The following PPP1R18 variants were observed in gnomAD, a reference collection of about 807,000 sequenced individuals.
PPP1R18 encodes the protein protein phosphatase 1 regulatory subunit 18.
Under a neutral mutation model 54.8 loss-of-function variants are expected in PPP1R18, and 31 were observed. The observed-to-expected ratio is 0.57, with a 90% CI of 0.43 to 0.76. The LOEUF (loss-of-function observed/expected upper bound fraction) is 0.76, where lower values mean the gene tolerates loss of function less well. Ranked by LOEUF, PPP1R18 falls within the 30% of genes least tolerant of loss-of-function variation. The pLI is 0.00. For synonymous variants in PPP1R18, 310 were observed against 320.2 expected, an observed-to-expected ratio of 0.97 and a Z score of 0.34; for missense variants, 685 against 776.1, an observed-to-expected ratio of 0.88 and a Z score of 1.39.
At chr6:30,680,161 G>A (rs1770460541) in intron 1 of PPP1R18, among the ~76,000 whole-genome samples, 2 of 152,136 alleles carry the variant, frequency 1.3e-5, no homozygotes, top group South Asian at 4.1e-4. Flanking sequence ...GGTCCACAGT[G>A]TGCCCAAAGG....
In PPP1R18 at chr6:30,684,802, T is replaced by C; in HGVS notation, c.1217A>G (p.Glu406Gly). Residue 406 changes from glutamate (E) to glycine (G), a missense_variant, in exon 1 of 3, where the codon GAG becomes GGG. Physicochemically the swap from Glu to Gly is moderately conservative, Grantham distance 98. Coordinates refer to ENST00000274853, the MANE Select transcript of PPP1R18 (RefSeq NM_133471.4). This position sits in a 1 kb window ranked among gnomAD's most constrained non-coding sequence, Gnocchi z 6.0. Reference protein sequence around the residue: ...CCSVPSPLPPEDAGTGGLRQQ... With the variant: ...CCSVPSPLPPGDAGTGGLRQQ... Reference sequence around the variant, plus strand: ...TCTCAGGCCTCCAGTCCCAGCGTCCTCTGGTGGGAGGGGGGAGGGCACAGA... The same window carrying C: ...TCTCAGGCCTCCAGTCCCAGCGTCCCCTGGTGGGAGGGGGGAGGGCACAGA... 2 of 1,609,868 alleles carry C rather than the reference T, an allele frequency of 1.2e-6. No homozygotes were observed. Among genetic ancestry groups the C allele is most frequent in the Non-Finnish European group, 1.7e-6 (2 of 1,178,356 alleles).
At chr6:30,682,716 A>G (rs539200329) in intron 1 of PPP1R18, among the ~76,000 whole-genome samples, 2 of 145,816 alleles carry the variant, frequency 1.4e-5, no homozygotes, top group African/African-American at 5.1e-5. Context: ...CAGCCCCACC[A>G]GCCTTCCGGC....
chr6:30,686,238 A>C lies in PPP1R18; in HGVS notation c.-220T>G. On this transcript the variant is annotated 5_prime_UTR_variant, in exon 1 of 3. Transcript: ENST00000274853. ...ATGGAAAAAGTGAAGAGAAGTTGTG[A>C]GCCCAAGTTGGGGGTGGTGGGGGTG... 1 of 489,866 alleles carries C rather than the reference A, an allele frequency of 2.0e-6. No homozygotes were observed. 30.3% of individuals were successfully genotyped at this position (489,866 alleles called of 1,614,324 possible).
In PPP1R18 at chr6:30,683,719, G is replaced by A. The variant is rs897252983; in HGVS notation, c.1611+689C>T. On this transcript the variant is annotated intron_variant, in intron 1 of 2. Transcript: ENST00000274853. This position sits in a 1 kb window ranked among gnomAD's most constrained non-coding sequence, Gnocchi z 5.1. ...CACTGTCTGAAGCAGTGGCCCAGCT[G>A]GGGGTGTGCAACCCCGAGGTCACCC... Among the ~76,000 whole-genome samples, 2 of 152,112 alleles carry A rather than the reference G, an allele frequency of 1.3e-5. No homozygotes were observed. Among genetic ancestry groups the A allele is most frequent in the Non-Finnish European group, 2.9e-5 (2 of 68,002 alleles).
intron 1 of PPP1R18, among the ~76,000 whole-genome samples, chr6:30,680,015 A>C (rs1036049804): frequency 5.9e-5 from 9 of 152,014 alleles, no homozygotes; most frequent in African/African-American, 1.7e-4. Context: ...CTAGGAAGAG[A>C]TGGGAGATGA....
Position 30,684,898 on chromosome 6 carries a change from C to G in PPP1R18, c.1121G>C (p.Gly374Ala), listed in dbSNP as rs760665866. The G allele has an allele frequency of 6.2e-7, 1 of 1,612,986 alleles. No homozygotes were observed. Among genetic ancestry groups the G allele is most frequent in the East Asian group, 2.2e-5 (1 of 44,888 alleles). Residue 374 changes from glycine (G) to alanine (A), a missense_variant, in exon 1 of 3, where the codon GGA becomes GCA. Coordinates refer to ENST00000274853, the MANE Select transcript of PPP1R18 (RefSeq NM_133471.4). This position sits in a 1 kb window ranked among gnomAD's most constrained non-coding sequence, Gnocchi z 6.0. ...KLLESPGVEA[G>A]EGEAEKEEAG... ...CTCCTCCTTCTCAGCCTCCCCTTCT[C>G]CAGCCTCCACACCGGGAGATTCCAG...
rs188688453 is a variant in PPP1R18, at chr6:30,685,169, C to T, written c.850G>A (p.Val284Ile). The change falls in exon 1 of 3, where the codon GTT (valine) becomes ATT (isoleucine). Residue 284 changes from valine to isoleucine, a missense_variant. Physicochemically the swap from Val to Ile is conservative, Grantham distance 29. Transcript: ENST00000274853. The surrounding 1 kb of genome is among the most constrained non-coding windows in gnomAD (Gnocchi z 5.0). Reference sequence around the variant, plus strand: ...GTCTCTTTTGGAGCTACCCCTGGAACTGGCCACTCTTCTTTTCTCCCACAT... The same window carrying T: ...GTCTCTTTTGGAGCTACCCCTGGAATTGGCCACTCTTCTTTTCTCCCACAT... ...EECGRKEEWP[V>I]PGVAPKETAE... is the part of the protein sequence containing the mutation. The T allele has an allele frequency of 1.9e-6, 3 of 1,613,016 alleles. No homozygotes were observed. The highest frequency in any genetic ancestry group is 2.2e-5 in the East Asian group (1 of 44,898).
At chr6:30,677,360 C>A in intron 2 of PPP1R18, 72 bp from the exon 3 acceptor site, 1 of 1,377,002 alleles carries the variant, frequency 7.3e-7, no homozygotes, top group Non-Finnish European at 9.9e-7. Context: ...TTCCCCCCCA[C>A]ACAAATTGAA....
chr6:30,677,330 C>A, intron 2 of PPP1R18, 42 bp from the exon 3 acceptor site: 1 of 1,543,808 alleles, frequency 6.5e-7, no homozygotes. Flanking sequence ...TGAGTGAGAG[C>A]CTCTGCCTTC....
rs753020797 is a variant in PPP1R18, at chr6:30,684,830, A to G, written c.1189T>C (p.Cys397Arg). Residue 397 changes from cysteine (C) to arginine (R), a missense_variant, in exon 1 of 3, where the codon TGC (cysteine) becomes CGC (arginine). Physicochemically the swap from Cys to Arg is radical, Grantham distance 180. Transcript: ENST00000274853. This position sits in a 1 kb window ranked among gnomAD's most constrained non-coding sequence, Gnocchi z 6.0. Reference sequence around the variant, plus strand: ...GGTGGGAGGGGGGAGGGCACAGAGCAGCAGTTCTGCAGGGCTCTCAGAGGC... The same window carrying G: ...GGTGGGAGGGGGGAGGGCACAGAGCGGCAGTTCTGCAGGGCTCTCAGAGGC... ...GRPLRALQNCCSVPSPLPPED... is the reference protein window; with the variant it reads ...GRPLRALQNCRSVPSPLPPED... 1 of 1,612,636 alleles carries G rather than the reference A, an allele frequency of 6.2e-7. No individual in the cohort carries two copies. Among genetic ancestry groups the G allele is most frequent in the African/African-American group, 1.3e-5 (1 of 74,880 alleles).
Position 30,685,322 on chromosome 6 carries a change from A to C in PPP1R18, c.697T>G (p.Leu233Val), listed in dbSNP as rs765354433. 2 of 1,612,898 alleles carry C rather than the reference A, an allele frequency of 1.2e-6. No homozygotes were observed. The highest frequency in any genetic ancestry group is 8.5e-7 in the Non-Finnish European group (1 of 1,180,018). The stretch of plus-strand genomic sequence containing the variant: ...CATTTATGGGCCTCTGTCAGGCCCA[A>C]CTTCTGGTAGGCAGATTCCCCTGGG... Reference protein sequence around the residue: ...LSPGESAYQKLGLTEAHKWRP... With the variant: ...LSPGESAYQKVGLTEAHKWRP... Residue 233 changes from leucine to valine, a missense_variant, in exon 1 of 3, where the codon TTG becomes GTG. Transcript: ENST00000274853. The surrounding 1 kb of genome is among the most constrained non-coding windows in gnomAD (Gnocchi z 5.0).
chr6:30,683,606 G>A lies in PPP1R18; in HGVS notation c.1611+802C>T, dbSNP rs1278013359. Among the ~76,000 whole-genome samples the A allele has an allele frequency of 6.6e-6, 1 of 152,186 alleles. No homozygotes were observed. Among genetic ancestry groups the A allele is most frequent in the Non-Finnish European group, 1.5e-5 (1 of 68,028 alleles). ...CCTGAGCCAGTTCTTGGGAGGGAGG[G>A]GAAACCCAGGGAGGAAGGACAGGGG... On this transcript the variant is annotated intron_variant, in intron 1 of 2. Transcript: ENST00000274853. This position sits in a 1 kb window ranked among gnomAD's most constrained non-coding sequence, Gnocchi z 5.1.
At chr6:30,681,713 G>A (rs537259077) in intron 1 of PPP1R18, among the ~76,000 whole-genome samples, 33 of 151,994 alleles carry the variant, frequency 2.2e-4, no homozygotes, top group Middle Eastern at 3.4e-3. Flanking sequence ...GCAGTGAGCC[G>A]AAATCTCACC....
chr6:30,677,313 T>TA, intron 2 of PPP1R18, 25 bp from the exon 3 acceptor site: 1 of 1,581,438 alleles, frequency 6.3e-7, no homozygotes, highest in African/African-American at 1.4e-5. Context: ...GCAATAATGT[T>TA]AGAGAATGAG....
intron 2 of PPP1R18, 78 bp downstream of exon 2, chr6:30,679,101 C>T: frequency 7.9e-7 from 1 of 1,268,076 alleles, no homozygotes. Context: ...TACATGTAAT[C>T]CTCCCTCCTC....
At position 30,679,210 on chromosome 6, in the gene PPP1R18, C is replaced by T; in HGVS notation, c.1791G>A (p.Gln597=). 1 of 1,586,818 alleles carries T rather than the reference C, an allele frequency of 6.3e-7. No individual in the cohort carries two copies. The highest frequency in any genetic ancestry group is 8.6e-7 in the Non-Finnish European group (1 of 1,169,412). The change falls in exon 2 of 3, where the codon CAG becomes CAA. Residue 597 remains glutamine, a synonymous_variant. Coordinates refer to ENST00000274853, the MANE Select transcript of PPP1R18 (RefSeq NM_133471.4). ...EELLLLQPEL[Q]GGLRTKALIV... is the part of the protein sequence containing the mutation. Reference sequence around the variant, plus strand: ...TCAGGGCCTTGGTGCGCAGCCCGCCCTGGAGCTCTGGCTGCAGCAGCAGCA... The same window carrying T: ...TCAGGGCCTTGGTGCGCAGCCCGCCTTGGAGCTCTGGCTGCAGCAGCAGCA...
chr6:30,688,000 C>T (rs2127619291), upstream of PPP1R18: 1 of 152,438 alleles, frequency 6.6e-6, no homozygotes, highest in South Asian at 2.1e-4. The surrounding 1 kb of genome is among the most constrained non-coding windows in gnomAD (Gnocchi z 7.9). Context: ...GCTTTCTTTC[C>T]CAAACTCAGC....
chr6:30,680,812 GC>G (rs1770503368), intron 1 of PPP1R18, among the ~76,000 whole-genome samples: 1 of 151,998 alleles, frequency 6.6e-6, no homozygotes, highest in Admixed American at 6.6e-5. Context: ...CAGGCTGGGC[GC>G]GGTGGTTCAT....
chr6:30,682,376 G>C (rs1770596327), intron 1 of PPP1R18, among the ~76,000 whole-genome samples: 1 of 152,180 alleles, frequency 6.6e-6, no homozygotes, highest in African/African-American at 2.4e-5. Context: ...GCAGGGCTGG[G>C]ATTTCTCTCC....
Sources: allele counts gnomAD v4.1 joint callset (sites outside exome capture counted in the v4.1 genomes callset), GRCh38; gene constraint gnomAD v4.1.1; non-coding constraint Gnocchi (gnomAD v3.1); transcripts MANE v1.5; gene names NCBI Gene and HGNC (gene_info 2026-07-23, HGNC 2026-07-21).